Variants in APBA2 observed in about 807,000 individuals in gnomAD.
APBA2 encodes amyloid beta precursor protein binding family A member 2.
In APBA2, 30 loss-of-function variants were observed where a neutral mutation model predicts 75.0. The observed-to-expected ratio is 0.40, with a 90% CI of 0.30 to 0.54. The LOEUF (loss-of-function observed/expected upper bound fraction) is 0.54. Ranked by LOEUF, APBA2 falls within the 20% of genes least tolerant of loss-of-function variation. APBA2 has a pLI of 0.49. For synonymous variants in APBA2, 444 were observed against 409.6 expected, an observed-to-expected ratio of 1.08 and a Z score of -1.01; for missense variants, 801 against 1,016.1, an observed-to-expected ratio of 0.79 and a Z score of 2.88.
intron 3 of APBA2, among the ~76,000 whole-genome samples, chr15:29,030,727 GTA>G (rs138806391): frequency 0.16 from 23,190 of 145,780 alleles, 2,007 homozygotes; most frequent in East Asian, 0.26. Flanking sequence ...ACCCATGTGA[GTA>G]TGTGTGTGTG....
chr15:28,940,550 A>G (rs867889002), intron 2 of APBA2, among the ~76,000 whole-genome samples: 11 of 139,950 alleles, frequency 7.9e-5, no homozygotes, highest in African/African-American at 2.6e-4. Flanking sequence ...GAGACTCTGT[A>G]TCAAAAAAAA....
intron 1 of APBA2, among the ~76,000 whole-genome samples, chr15:28,911,796 T>C (rs2152651219): frequency 6.6e-6 from 1 of 152,278 alleles, no homozygotes; most frequent in South Asian, 2.1e-4. Flanking sequence ...TCAGTGCAGA[T>C]TATAGGTTTA....
At chr15:28,898,247 A>G (rs796924935) in intron 1 of APBA2, among the ~76,000 whole-genome samples, 7 of 152,340 alleles carry the variant, frequency 4.6e-5, no homozygotes, top group African/African-American at 1.7e-4. Flanking sequence ...TGTCACAGCA[A>G]CCGTTGGAAA....
chr15:28,951,362 A>G (rs1055223272), intron 2 of APBA2, among the ~76,000 whole-genome samples: 1 of 152,126 alleles, frequency 6.6e-6, no homozygotes, highest in Non-Finnish European at 1.5e-5. Context: ...GGCACAAGAT[A>G]CTCAGGCTCA....
chr15:28,897,494 T>TA (rs1487006051), intron 1 of APBA2, among the ~76,000 whole-genome samples: 3 of 151,186 alleles, frequency 2.0e-5, no homozygotes, highest in Admixed American at 2.0e-4. Flanking sequence ...GGCGGGCGCC[T>TA]ATAACCCCAG....
chr15:28,888,333 C>T (rs2031892898), intron 1 of APBA2, among the ~76,000 whole-genome samples: 1 of 152,166 alleles, frequency 6.6e-6, no homozygotes, highest in Non-Finnish European at 1.5e-5. Context: ...TTTTCCTAGA[C>T]AAAACTGAGG....
intron 4 of APBA2, among the ~76,000 whole-genome samples, chr15:29,055,952 A>G (rs1595852894): frequency 6.6e-6 from 1 of 152,102 alleles, no homozygotes; most frequent in Non-Finnish European, 1.5e-5. Flanking sequence ...GTTCACCCCT[A>G]AGGCCAGGAG....
intron 2 of APBA2, among the ~76,000 whole-genome samples, chr15:28,942,524 G>A (rs950552686): frequency 6.6e-6 from 1 of 152,208 alleles, no homozygotes; most frequent in Non-Finnish European, 1.5e-5. Flanking sequence ...GCTGTCTTCA[G>A]TATTTCTTGG....
At chr15:28,950,955 A>G (rs942642455) in intron 2 of APBA2, among the ~76,000 whole-genome samples, 4 of 152,200 alleles carry the variant, frequency 2.6e-5, no homozygotes, top group Admixed American at 1.3e-4. Flanking sequence ...TTCAGGTGGC[A>G]TCCCATGTCC....
chr15:29,030,662 T>C (rs1014129382), intron 3 of APBA2, among the ~76,000 whole-genome samples: 12 of 152,036 alleles, frequency 7.9e-5, no homozygotes, highest in Non-Finnish European at 1.5e-4. Context: ...ACAGATTCTT[T>C]GTAGAATGTC....
chr15:28,950,314 G>T (rs897111913), intron 2 of APBA2, among the ~76,000 whole-genome samples: 1 of 152,152 alleles, frequency 6.6e-6, no homozygotes, highest in Non-Finnish European at 1.5e-5. Context: ...GGTAGCATGT[G>T]CCAGTTGCTC....
intron 2 of APBA2, among the ~76,000 whole-genome samples, chr15:28,987,755 C>CT (rs1161611215): frequency 0.016 from 1,487 of 92,746 alleles, 28 homozygotes; most frequent in East Asian, 0.079. Flanking sequence ...TATATATATT[C>CT]TTTTTTTTTT....
chr15:29,059,520 G>C (rs905077288), intron 4 of APBA2, among the ~76,000 whole-genome samples: 1 of 152,174 alleles, frequency 6.6e-6, no homozygotes, highest in African/African-American at 2.4e-5. Flanking sequence ...TTACTGTCTT[G>C]TGATCTAGGG....
chr15:28,894,491 A>T (rs1190314694), intron 1 of APBA2, among the ~76,000 whole-genome samples: 1 of 152,100 alleles, frequency 6.6e-6, no homozygotes, highest in South Asian at 2.1e-4. Context: ...ACCCCATCCT[A>T]TAAGAGTGGG....
At chr15:28,933,403 G>A (rs1446132158) in intron 2 of APBA2, among the ~76,000 whole-genome samples, 1 of 152,166 alleles carries the variant, frequency 6.6e-6, no homozygotes, top group Non-Finnish European at 1.5e-5. Context: ...CACCAGGCAC[G>A]GAATCTGCTG....
chr15:29,047,585 G>C (rs1440113144), intron 3 of APBA2, among the ~76,000 whole-genome samples: 1 of 152,062 alleles, frequency 6.6e-6, no homozygotes, highest in Non-Finnish European at 1.5e-5. Context: ...ATCTCCCCCT[G>C]GTTCAGCCAT....
In APBA2 at chr15:28,980,048, GA is replaced by G. The variant is rs1162948225; in HGVS notation, c.-94-15704del. Among the ~76,000 whole-genome samples, 5 of 152,300 alleles carry G rather than the reference GA, an allele frequency of 3.3e-5. No individual in the cohort carries two copies. The East Asian group carries it at 9.7e-4, about 29-fold the overall frequency. On this transcript the variant is annotated intron_variant, in intron 2 of 14. Coordinates refer to ENST00000683413, the MANE Select transcript of APBA2 (RefSeq NM_001353788.2). ...GCCGGGGTCAAAGCTGTCTTTCAGA[GA>G]CAGGGAAGTGCAGAGATGTTCAATG...
chr15:29,018,333 T>C (rs548572420), intron 3 of APBA2, among the ~76,000 whole-genome samples: 26 of 152,346 alleles, frequency 1.7e-4, no homozygotes, highest in African/African-American at 5.1e-4. Flanking sequence ...TGCGTTTTAC[T>C]GTGCCGGGTG....
At chr15:28,983,581 A>G (rs184906712) in intron 2 of APBA2, among the ~76,000 whole-genome samples, 62 of 152,300 alleles carry the variant, frequency 4.1e-4, no homozygotes, top group African/African-American at 1.4e-3. Flanking sequence ...CAAGGCATGT[A>G]ATGTAGTGAA....
Sources: allele counts gnomAD v4.1 joint callset (sites outside exome capture counted in the v4.1 genomes callset), GRCh38; gene constraint gnomAD v4.1.1; transcripts MANE v1.5; gene names NCBI Gene and HGNC (gene_info 2026-07-23, HGNC 2026-07-21).